MARK1: variants seen among roughly 807,000 people sequenced by gnomAD.
MARK1 encodes microtubule affinity regulating kinase 1.
MARK1 carries 40 observed loss-of-function variants against 96.3 expected under a neutral mutation model. The observed-to-expected ratio is 0.42, with a 90% confidence interval of 0.32 to 0.54. The LOEUF is 0.54. Among genes scored for constraint, MARK1 ranks in the 20% least tolerant of loss-of-function variants. MARK1 has a pLI of 0.16. For synonymous variants in MARK1, 317 were observed against 341.2 expected (o/e 0.93, Z 0.78); for missense variants, 719 against 984.6 (o/e 0.73, Z 3.61).
At chr1:220,546,315 C>T (rs1020895340) in intron 1 of MARK1, among the ~76,000 whole-genome samples, 1 of 152,188 alleles carries the variant, frequency 6.6e-6, no homozygotes, top group African/African-American at 2.4e-5. Flanking sequence ...AAACCCCACA[C>T]ATTTTTCACT....
intron 5 of MARK1, among the ~76,000 whole-genome samples, chr1:220,602,478 G>A (rs1665810684): frequency 6.6e-6 from 1 of 152,122 alleles, no homozygotes; most frequent in African/African-American, 2.4e-5. Flanking sequence ...TATATGATAA[G>A]TACAGGACTA....
At chr1:220,585,317 C>T (rs939816045) in intron 3 of MARK1, among the ~76,000 whole-genome samples, 4 of 152,114 alleles carry the variant, frequency 2.6e-5, no homozygotes, top group Non-Finnish European at 4.4e-5. Context: ...GGGAAGTATA[C>T]TTTTCACACT....
At chr1:220,548,520 A>G (rs572653183) in intron 1 of MARK1, among the ~76,000 whole-genome samples, 16 of 152,208 alleles carry the variant, frequency 1.1e-4, no homozygotes, top group Non-Finnish European at 2.4e-4. Flanking sequence ...CTGGCGGATC[A>G]CATGAGGTCA....
At position 220,604,110 on chromosome 1, in the gene MARK1, G is replaced by A; in HGVS notation, c.468G>A (p.Glu156=). 1 of 1,611,528 alleles carries A rather than the reference G, an allele frequency of 6.2e-7. No individual in the cohort carries two copies. Among genetic ancestry groups the A allele is most frequent in the East Asian group, 2.2e-5 (1 of 44,744 alleles). Residue 156 remains glutamate, a synonymous_variant, in exon 6 of 18, where the codon GAG becomes GAA. Coordinates refer to ENST00000366917, the MANE Select transcript of MARK1 (RefSeq NM_018650.5). ...TAGTTGCCCATGGAAGAATGAAAGAGAAAGAGGCCCGTGCAAAATTTAGGC... is the reference window on the plus strand; with the variant it reads ...TAGTTGCCCATGGAAGAATGAAAGAAAAAGAGGCCCGTGCAAAATTTAGGC... ...DYLVAHGRMK[E]KEARAKFRQI...
chr1:220,643,440 A>G (rs1668394947), intron 13 of MARK1, among the ~76,000 whole-genome samples: 1 of 151,754 alleles, frequency 6.6e-6, no homozygotes, highest in Admixed American at 6.6e-5. Flanking sequence ...GGGACTATGT[A>G]AAAGGACTGA....
At chr1:220,591,541 C>T (rs1271489110) in intron 3 of MARK1, among the ~76,000 whole-genome samples, 1 of 152,150 alleles carries the variant, frequency 6.6e-6, no homozygotes, top group Non-Finnish European at 1.5e-5. Context: ...ATGGGCCACA[C>T]TTCCTAGTAC....
At chr1:220,615,722 A>G (rs910207532) in intron 6 of MARK1, among the ~76,000 whole-genome samples, 2 of 152,108 alleles carry the variant, frequency 1.3e-5, no homozygotes, top group African/African-American at 4.8e-5. Flanking sequence ...ATTTTATTGT[A>G]TTTTCGCAAG....
intron 13 of MARK1, among the ~76,000 whole-genome samples, chr1:220,644,614 A>G (rs1171392087): frequency 6.6e-6 from 1 of 152,026 alleles, no homozygotes; most frequent in Non-Finnish European, 1.5e-5. Context: ...CCACCCCAGA[A>G]CAGCAGAATA....
chr1:220,588,915 G>T (rs920692856), intron 3 of MARK1, among the ~76,000 whole-genome samples: 6 of 152,098 alleles, frequency 3.9e-5, no homozygotes, highest in Non-Finnish European at 8.8e-5. Flanking sequence ...GACAAAGAAG[G>T]GTTCCTATCC....
intron 3 of MARK1, among the ~76,000 whole-genome samples, chr1:220,583,179 A>G (rs980063884): frequency 3.3e-5 from 5 of 152,178 alleles, no homozygotes; most frequent in Admixed American, 2.6e-4. Context: ...AAGGCAGGTA[A>G]TTATCGCACA....
At chr1:220,629,500 T>C (rs1667549687) in intron 9 of MARK1, among the ~76,000 whole-genome samples, 1 of 152,098 alleles carries the variant, frequency 6.6e-6, no homozygotes, top group South Asian at 2.1e-4. Context: ...CTTGTGTGAC[T>C]AAAACTCTGT....
At position 220,528,796 on chromosome 1, in the gene MARK1, C is replaced by G; in HGVS notation, c.-27C>G. On this transcript the variant is annotated 5_prime_UTR_variant, in exon 1 of 18. Transcript: ENST00000366917. ...GCACCACAGCCCGGCCGGCGAGACC[C>G]CGGCCAGACCCCGCTGCCCGCACAA... 1 of 1,547,026 alleles carries G rather than the reference C, an allele frequency of 6.5e-7. No homozygotes were observed. Among genetic ancestry groups the G allele is most frequent in the Non-Finnish European group, 8.7e-7 (1 of 1,145,494 alleles).
intron 1 of MARK1, among the ~76,000 whole-genome samples, chr1:220,548,550 G>A (rs1417637783): frequency 6.6e-6 from 1 of 152,174 alleles, no homozygotes; most frequent in Non-Finnish European, 1.5e-5. Flanking sequence ...GACCAATCCG[G>A]CCAACATGGC....
intron 1 of MARK1, among the ~76,000 whole-genome samples, chr1:220,554,481 C>T (rs1662109738): frequency 6.6e-6 from 1 of 152,128 alleles, no homozygotes. Context: ...GTAGGATAGT[C>T]TTCTATAACA....
At chr1:220,603,999 G>C (rs1200031544) in intron 5 of MARK1, 68 bp from the exon 6 acceptor site, 2 of 927,050 alleles carry the variant, frequency 2.2e-6, no homozygotes, top group Admixed American at 5.1e-5. Context: ...GAAAAAACTT[G>C]ACATTGCATA....
Position 220,650,674 on chromosome 1 carries a change from A to G in MARK1, c.1525A>G (p.Arg509Gly). 1 of 1,613,882 alleles carries G rather than the reference A, an allele frequency of 6.2e-7. No individual in the cohort carries two copies. The highest frequency in any genetic ancestry group is 8.5e-7 in the Non-Finnish European group (1 of 1,179,818). Residue 509 changes from arginine (R) to glycine (G), a missense_variant, in exon 14 of 18, where the codon AGG (arginine) becomes GGG (glycine). Physicochemically the swap from Arg to Gly is moderately radical, Grantham distance 125. Around this residue, in one of 4 missense-constraint regions of MARK1, gnomAD observed 501 missense variants for 588.3 expected, o/e 0.85. Coordinates refer to ENST00000366917, the MANE Select transcript of MARK1 (RefSeq NM_018650.5). ...AAGAAGGAATACATATGTCTGTGAA[A>G]GGACCACAGATCGATACGTAGCATT... ...MARRNTYVCE[R>G]TTDRYVALQN... is the part of the protein sequence containing the mutation.
At chr1:220,543,612 A>G (rs947592244) in intron 1 of MARK1, among the ~76,000 whole-genome samples, 2 of 152,170 alleles carry the variant, frequency 1.3e-5, no homozygotes, top group African/African-American at 2.4e-5. Context: ...AGCTAAATTG[A>G]AAATATTTTG....
At chr1:220,544,148 G>A (rs1661326398) in intron 1 of MARK1, among the ~76,000 whole-genome samples, 1 of 152,162 alleles carries the variant, frequency 6.6e-6, no homozygotes, top group Non-Finnish European at 1.5e-5. Context: ...GGAATTTCAT[G>A]TTCTTCCCTT....
chr1:220,561,254 C>T (rs1662650480), intron 1 of MARK1, among the ~76,000 whole-genome samples: 1 of 152,164 alleles, frequency 6.6e-6, no homozygotes, highest in South Asian at 2.1e-4. Flanking sequence ...GAGATAAATG[C>T]TCTGTATCAA....
Sources: allele counts gnomAD v4.1 joint callset (sites outside exome capture counted in the v4.1 genomes callset), GRCh38; gene constraint gnomAD v4.1.1; regional missense constraint gnomAD v4.1.1; transcripts MANE v1.5; gene names NCBI Gene and HGNC (gene_info 2026-07-23, HGNC 2026-07-21).